SIAH3: variants seen among roughly 807,000 people sequenced by gnomAD.
SIAH3 encodes the protein siah E3 ubiquitin protein ligase family member 3.
In SIAH3, 9 loss-of-function variants were observed where a neutral mutation model predicts 12.6. That is an observed-to-expected ratio of 0.72 (90% confidence interval 0.43 to 1.25). The LOEUF is 1.25. SIAH3 is among the 50% of genes most tolerant of loss of function. The pLI, the probability that SIAH3 is intolerant of heterozygous loss-of-function variation, is 0.00. For missense variants in SIAH3, 390 were observed against 365.4 expected (o/e 1.07, Z -0.55); for synonymous variants, 154 against 151.1 (o/e 1.02, Z -0.14).
chr13:45,834,261 C>T (rs572611730), intron 1 of SIAH3, among the ~76,000 whole-genome samples: 2 of 152,332 alleles, frequency 1.3e-5, no homozygotes, highest in African/African-American at 2.4e-5. Flanking sequence ...ACTAAACATG[C>T]TGTGCTTGAC....
chr13:45,834,530 C>T (rs778438168), intron 1 of SIAH3, among the ~76,000 whole-genome samples: 58 of 152,244 alleles, frequency 3.8e-4, no homozygotes, highest in Non-Finnish European at 6.9e-4. Flanking sequence ...AGAGAGGCCT[C>T]GGGTTCCAGG....
chr13:45,801,653 T>A (rs1296225909), intron 1 of SIAH3, among the ~76,000 whole-genome samples: 2 of 152,240 alleles, frequency 1.3e-5, no homozygotes, highest in African/African-American at 4.8e-5. Flanking sequence ...ATATACTTAA[T>A]AACGTGTTAC....
At chr13:45,796,307 G>A (rs936417692) in intron 1 of SIAH3, among the ~76,000 whole-genome samples, 1 of 152,140 alleles carries the variant, frequency 6.6e-6, no homozygotes, top group African/African-American at 2.4e-5. Context: ...ATTGTCTTCA[G>A]GTCACTGTTA....
At position 45,851,719 on chromosome 13, in the gene SIAH3, T is replaced by C; in HGVS notation, c.-90A>G. On this transcript the variant is annotated 5_prime_UTR_variant, in exon 1 of 2. Transcript: ENST00000400405. ...GGAAGGAGCGCAGCCTCTGAGACAC[T>C]CCGCTCCAGCCCGGCTTAGCGCGCC... 6.5e-7 allele frequency: 1 copy of C among 1,541,972 alleles called. No individual in the cohort carries two copies. The highest frequency in any genetic ancestry group is 2.2e-4 in the Middle Eastern group (1 of 4,630).
intron 1 of SIAH3, among the ~76,000 whole-genome samples, chr13:45,835,205 G>A (rs757412110): frequency 6.6e-6 from 1 of 152,170 alleles, no homozygotes; most frequent in Non-Finnish European, 1.5e-5. Context: ...GTATTATTGT[G>A]ATAGTGACTA....
intron 1 of SIAH3, among the ~76,000 whole-genome samples, chr13:45,847,923 G>A (rs1209678594): frequency 6.6e-6 from 1 of 152,200 alleles, no homozygotes; most frequent in Middle Eastern, 3.4e-3. Context: ...CCTGGGCACA[G>A]GGACTGACCG....
At chr13:45,820,188 G>A (rs1296291244) in intron 1 of SIAH3, among the ~76,000 whole-genome samples, 1 of 152,088 alleles carries the variant, frequency 6.6e-6, no homozygotes, top group African/African-American at 2.4e-5. Context: ...ATTTAGGAGG[G>A]GACACATTCA....
chr13:45,809,408 T>A (rs1175673546), intron 1 of SIAH3, among the ~76,000 whole-genome samples: 1 of 152,226 alleles, frequency 6.6e-6, no homozygotes, highest in Non-Finnish European at 1.5e-5. Context: ...TCATATATGC[T>A]GACCAGAGAT....
At chr13:45,790,129 C>T (rs916694322) in intron 1 of SIAH3, among the ~76,000 whole-genome samples, 2 of 152,146 alleles carry the variant, frequency 1.3e-5, no homozygotes, top group Non-Finnish European at 2.9e-5. Context: ...GGAATCTTGC[C>T]TCTGAAATAC....
intron 1 of SIAH3, among the ~76,000 whole-genome samples, chr13:45,796,165 A>G (rs969554657): frequency 2.0e-5 from 3 of 152,182 alleles, no homozygotes; most frequent in Non-Finnish European, 2.9e-5. Flanking sequence ...GTGATTTTAT[A>G]TATATATATG....
At chr13:45,842,540 G>A (rs1950743780) in intron 1 of SIAH3, among the ~76,000 whole-genome samples, 1 of 152,064 alleles carries the variant, frequency 6.6e-6, no homozygotes, top group African/African-American at 2.4e-5. Context: ...GGAGACACGA[G>A]GTCTCACTAT....
intron 1 of SIAH3, among the ~76,000 whole-genome samples, chr13:45,820,304 G>C (rs1950651113): frequency 6.6e-6 from 1 of 152,136 alleles, no homozygotes; most frequent in Non-Finnish European, 1.5e-5. Flanking sequence ...GCTTTGACGA[G>C]TGAGCCAGGC....
intron 1 of SIAH3, among the ~76,000 whole-genome samples, chr13:45,847,219 CT>C (rs1268050411): frequency 6.6e-6 from 1 of 152,202 alleles, no homozygotes; most frequent in African/African-American, 2.4e-5. Flanking sequence ...AAGCCTTTAA[CT>C]GCTGTAAAGT....
chr13:45,851,416 T>C, intron 1 of SIAH3, 79 bp downstream of exon 1: 1 of 1,587,220 alleles, frequency 6.3e-7, no homozygotes. Flanking sequence ...GCTGCACACG[T>C]TCGCCGGAGG....
Position 45,780,695 on chromosome 13 carries a change from G to A in SIAH3, c.*2688C>T, listed in dbSNP as rs1950500677. 1 of 152,232 alleles carries A rather than the reference G, an allele frequency of 6.6e-6. No individual in the cohort carries two copies. Among genetic ancestry groups the A allele is most frequent in the African/African-American group, 2.4e-5 (1 of 41,454 alleles). 9.4% of individuals were successfully genotyped at this position (152,232 alleles called of 1,614,324 possible). On this transcript the variant is annotated 3_prime_UTR_variant, in exon 2 of 2. Transcript: ENST00000400405. ...CCTCAGTCCACTGGTAAGCTGGCAA[G>A]ACTGCTGAATATTTCGGATCAGTCT... is the stretch of plus-strand genomic sequence containing the variant.
At position 45,809,246 on chromosome 13, in the gene SIAH3, A is replaced by G. The variant is rs1223579202; in HGVS notation, c.136-25189T>C. 2.0e-5 allele frequency among the ~76,000 whole-genome samples: 3 copies of G among 152,186 alleles called. No homozygotes were observed. In the East Asian group the frequency reaches 5.8e-4, roughly 29 times the overall value. Reference sequence around the variant, plus strand: ...GGCTCCGCAGAACTGAGACCTTTAAATGGACTCTGTAAGTTTTGTTCCACC... The same window carrying G: ...GGCTCCGCAGAACTGAGACCTTTAAGTGGACTCTGTAAGTTTTGTTCCACC... On this transcript the variant is annotated intron_variant, in intron 1 of 1. Transcript: ENST00000400405.
chr13:45,786,995 G>C (rs893017904), intron 1 of SIAH3, among the ~76,000 whole-genome samples: 1 of 152,106 alleles, frequency 6.6e-6, no homozygotes, highest in Non-Finnish European at 1.5e-5. Flanking sequence ...TCAGAGATGG[G>C]AGGTCAAAGT....
Position 45,778,229 on chromosome 13 carries a change from A to T in SIAH3, c.*5154T>A, listed in dbSNP as rs900008370. Reference sequence around the variant, plus strand: ...TGAATGGTAGATATTTCCAATTTCTAATTTCAAAGTAAAACATTTCTTTAG... The same window carrying T: ...TGAATGGTAGATATTTCCAATTTCTTATTTCAAAGTAAAACATTTCTTTAG... On this transcript the variant is annotated 3_prime_UTR_variant, in exon 2 of 2. Transcript: ENST00000400405. 2 of 152,238 alleles carry T rather than the reference A, an allele frequency of 1.3e-5. No homozygotes were observed. Among genetic ancestry groups the T allele is most frequent in the African/African-American group, 4.8e-5 (2 of 41,466 alleles). The allele number at this position is 152,238 out of a possible 1,614,324, so 9.4% of individuals were successfully genotyped here.
intron 1 of SIAH3, among the ~76,000 whole-genome samples, chr13:45,849,078 A>C (rs577532959): frequency 6.6e-6 from 1 of 152,224 alleles, no homozygotes; most frequent in Non-Finnish European, 1.5e-5. Flanking sequence ...AAAGCTCTGC[A>C]AATGGCTATT....
Sources: gnomAD v4.1 joint callset for allele counts (sites outside exome capture counted in the v4.1 genomes callset) on GRCh38, gnomAD v4.1.1 for gene constraint, MANE v1.5 for transcripts, NCBI Gene and HGNC (gene_info 2026-07-23, HGNC 2026-07-21) for gene names.